Variants in C1orf87 observed in about 807,000 individuals in gnomAD.
C1orf87 encodes chromosome 1 open reading frame 87.
A neutral mutation model predicts 60.5 loss-of-function variants in C1orf87; 58 were observed. The ratio of observed to expected loss-of-function variants is 0.96; its 90% CI spans 0.78 to 1.19. The LOEUF (loss-of-function observed/expected upper bound fraction) is 1.19, where lower values mean the gene tolerates loss of function less well. Among genes scored for constraint, C1orf87 ranks in the 50% most tolerant of loss-of-function variants. The pLI is 0.00. For missense variants in C1orf87, 673 were observed against 638.6 expected, an observed-to-expected ratio of 1.05 and a Z score of -0.58; for synonymous variants, 236 against 227.4, an observed-to-expected ratio of 1.04 and a Z score of -0.34.
intron 3 of C1orf87, among the ~76,000 whole-genome samples, chr1:60,051,218 T>C (rs1342001413): frequency 1.3e-5 from 2 of 152,198 alleles, no homozygotes; most frequent in African/African-American, 2.4e-5. Context: ...GTTTAAATTT[T>C]ATACCAGGGA....
chr1:60,012,324 C>A (rs879605691), intron 8 of C1orf87, among the ~76,000 whole-genome samples: 3 of 151,986 alleles, frequency 2.0e-5, no homozygotes, highest in Non-Finnish European at 4.4e-5. Flanking sequence ...GAGATAACGC[C>A]TCTGGATAAA....
intron 7 of C1orf87, among the ~76,000 whole-genome samples, chr1:60,032,216 C>A (rs1052099315): frequency 6.6e-6 from 1 of 152,110 alleles, no homozygotes; most frequent in African/African-American, 2.4e-5. Context: ...ATATTTCTAA[C>A]AGGGATTTTT....
chr1:60,049,781 G>A lies in C1orf87; in HGVS notation c.342+5423C>T, dbSNP rs564729794. 7.9e-5 allele frequency among the ~76,000 whole-genome samples: 12 copies of A among 152,084 alleles called. 1 individual carries two copies. The South Asian group carries it at 1.7e-3, about 21-fold the overall frequency. ...GAATATATCCTAATGTACATCTTAC[G>A]TATGTATGGTATATGAGGAATAGAC... On this transcript the variant is annotated intron_variant, in intron 3 of 11. Transcript: ENST00000371201.
intron 11 of C1orf87, among the ~76,000 whole-genome samples, chr1:59,997,000 G>C (rs1644967753): frequency 6.6e-6 from 1 of 152,146 alleles, no homozygotes; most frequent in Non-Finnish European, 1.5e-5. Context: ...GCCTAGATCT[G>C]TCTGGGAGTC....
At chr1:60,029,030 C>G (rs1645218407) in intron 7 of C1orf87, among the ~76,000 whole-genome samples, 1 of 152,154 alleles carries the variant, frequency 6.6e-6, no homozygotes, top group African/African-American at 2.4e-5. Context: ...AATCACTATT[C>G]AGTTTTCACC....
At chr1:59,995,253 T>C (rs969524835) in intron 11 of C1orf87, among the ~76,000 whole-genome samples, 1 of 152,210 alleles carries the variant, frequency 6.6e-6, no homozygotes, top group Admixed American at 6.5e-5. Flanking sequence ...TAAAAAATGT[T>C]TTGTTATTGC....
intron 3 of C1orf87, among the ~76,000 whole-genome samples, chr1:60,050,097 T>C (rs2162223): frequency 0.13 from 19,508 of 152,138 alleles, 1,574 homozygotes; most frequent in Middle Eastern, 0.25. Context: ...TTCATGCTTG[T>C]TTGTTATTCC....
chr1:60,050,119 C>A (rs1645403439), intron 3 of C1orf87, among the ~76,000 whole-genome samples: 2 of 152,002 alleles, frequency 1.3e-5, no homozygotes, highest in South Asian at 4.1e-4. Flanking sequence ...AATTAACTTG[C>A]TAATCAATTT....
At chr1:60,012,766 T>G (rs929274317) in intron 8 of C1orf87, among the ~76,000 whole-genome samples, 1 of 152,106 alleles carries the variant, frequency 6.6e-6, no homozygotes, top group Non-Finnish European at 1.5e-5. Flanking sequence ...TTTTGTGCAT[T>G]ATCTCATTTA....
chr1:60,056,159 G>A (rs1000282559), intron 2 of C1orf87, among the ~76,000 whole-genome samples: 3 of 152,010 alleles, frequency 2.0e-5, no homozygotes, highest in Non-Finnish European at 4.4e-5. Context: ...CAGAAGAATC[G>A]CTTGAACCCA....
chr1:60,026,521 T>C (rs1645199118), intron 7 of C1orf87, among the ~76,000 whole-genome samples: 1 of 136,330 alleles, frequency 7.3e-6, no homozygotes, highest in Non-Finnish European at 1.6e-5. Flanking sequence ...AGAAGGAAAA[T>C]AGAGAAATGG....
chr1:60,035,570 C>T (rs1446066135), intron 6 of C1orf87, among the ~76,000 whole-genome samples: 1 of 152,206 alleles, frequency 6.6e-6, no homozygotes, highest in Non-Finnish European at 1.5e-5. Flanking sequence ...AATAGCCTGG[C>T]TTTATTACAG....
chr1:60,045,259 A>T (rs950717856), intron 3 of C1orf87, among the ~76,000 whole-genome samples: 1 of 152,168 alleles, frequency 6.6e-6, no homozygotes, highest in Non-Finnish European at 1.5e-5. Context: ...AGTAGTGATA[A>T]TGAGGACAGC....
At chr1:60,051,777 A>C (rs1441721884) in intron 3 of C1orf87, among the ~76,000 whole-genome samples, 2 of 152,228 alleles carry the variant, frequency 1.3e-5, no homozygotes, top group Non-Finnish European at 1.5e-5. Flanking sequence ...GGTGATGACA[A>C]GGAAAATAAA....
At chr1:60,040,257 C>T in intron 4 of C1orf87, 77 bp from the exon 5 acceptor site, 3 of 1,526,360 alleles carry the variant, frequency 2.0e-6, no homozygotes, top group Admixed American at 2.0e-5. Context: ...AGCAGAGGCA[C>T]ACTGGGGCTG....
intron 2 of C1orf87, among the ~76,000 whole-genome samples, chr1:60,064,774 A>AT (rs1557481918): frequency 1.1e-5 from 1 of 94,222 alleles, no homozygotes; most frequent in Non-Finnish European, 1.8e-5. Context: ...AATTATATTT[A>AT]ATATATAAAT....
At chr1:60,037,026 G>T (rs1484052743) in intron 6 of C1orf87, among the ~76,000 whole-genome samples, 1 of 152,174 alleles carries the variant, frequency 6.6e-6, no homozygotes, top group Non-Finnish European at 1.5e-5. Context: ...ACACATGCTT[G>T]ATGTTAAAAA....
intron 2 of C1orf87, among the ~76,000 whole-genome samples, chr1:60,060,429 A>G (rs567567817): frequency 1.3e-4 from 20 of 152,174 alleles, no homozygotes; most frequent in Non-Finnish European, 2.6e-4. Flanking sequence ...TAGTAATTTT[A>G]TGTTAATCAT....
At chr1:60,053,025 T>C (rs1211416685) in intron 3 of C1orf87, among the ~76,000 whole-genome samples, 2 of 152,170 alleles carry the variant, frequency 1.3e-5, no homozygotes, top group African/African-American at 4.8e-5. Context: ...GGGGCAAATT[T>C]TCTCCCTGTA....
Sources: allele counts gnomAD v4.1 joint callset (sites outside exome capture counted in the v4.1 genomes callset), GRCh38; gene constraint gnomAD v4.1.1; transcripts MANE v1.5; gene names NCBI Gene and HGNC (gene_info 2026-07-23, HGNC 2026-07-21).